Variants in DNAH11 observed in about 807,000 individuals in gnomAD.
DNAH11 encodes axonemal beta dynein heavy chain 11.
Under a neutral mutation model 526.0 loss-of-function variants are expected in DNAH11, and 442 were observed. That is an observed-to-expected ratio of 0.84 (90% CI 0.78 to 0.91). The LOEUF is 0.91. Among genes scored for constraint, DNAH11 ranks in the 40% least tolerant of loss-of-function variants. DNAH11 has a pLI of 0.00. For missense variants in DNAH11, 6,989 were observed against 5,448.7 expected (o/e 1.28, Z -8.90); for synonymous variants, 2,461 against 1,935.9 (o/e 1.27, Z -7.12).
chr7:21,617,474 T>A, intron 22 of DNAH11, 145 bp from the exon 23 acceptor site: 5 of 911,790 alleles, frequency 5.5e-6, no homozygotes, highest in Non-Finnish European at 8.1e-6. Flanking sequence ...TTCGTTTCTC[T>A]GGTTTTGCTC....
chr7:21,621,862 A>G (rs1430501316), intron 25 of DNAH11, among the ~76,000 whole-genome samples: 1 of 152,274 alleles, frequency 6.6e-6, no homozygotes, highest in Non-Finnish European at 1.5e-5. Context: ...AGCCAATATC[A>G]TACTGAATGG....
In DNAH11 at chr7:21,639,084, GTC is replaced by G; in HGVS notation, c.4944+22_4944+23del. ...TAAACAGGTAATATTTTTTTTGAAA[GTC>G]TCGTATTATACTGTGTTAGCTGAGG... On this transcript the variant is annotated intron_variant, in intron 28 of 81. Coordinates refer to ENST00000409508, the MANE Select transcript of DNAH11 (RefSeq NM_001277115.2). 6.2e-7 allele frequency: 1 copy of G among 1,604,984 alleles called. No individual in the cohort carries two copies. Among genetic ancestry groups the G allele is most frequent in the Non-Finnish European group, 8.5e-7 (1 of 1,176,874 alleles).
chr7:21,772,192 A>G (rs1306770007), intron 55 of DNAH11, among the ~76,000 whole-genome samples: 1 of 152,166 alleles, frequency 6.6e-6, no homozygotes, highest in Non-Finnish European at 1.5e-5. Context: ...CATTGAGACA[A>G]GTTGTCTCAG....
At chr7:21,693,021 T>G (rs1318255465) in intron 35 of DNAH11, among the ~76,000 whole-genome samples, 2 of 152,352 alleles carry the variant, frequency 1.3e-5, no homozygotes, top group South Asian at 4.1e-4. Context: ...ATACATACAT[T>G]GCAAATATTT....
At chr7:21,663,288 G>C (rs1313749571) in intron 30 of DNAH11, among the ~76,000 whole-genome samples, 1 of 152,014 alleles carries the variant, frequency 6.6e-6, no homozygotes, top group Non-Finnish European at 1.5e-5. Context: ...ATAAACATAG[G>C]GGTAGAGATA....
At chr7:21,650,706 C>G (rs956667337) in intron 28 of DNAH11, among the ~76,000 whole-genome samples, 7 of 151,792 alleles carry the variant, frequency 4.6e-5, no homozygotes, top group African/African-American at 1.7e-4. Context: ...GTGGTGCAAT[C>G]TCAGCTCACT....
Position 21,687,148 on chromosome 7 carries a change from CCTG to C in DNAH11, c.5675_5677del (p.Ala1892del). 2 of 1,613,410 alleles carry C rather than the reference CCTG, an allele frequency of 1.2e-6. No homozygotes were observed. The highest frequency in any genetic ancestry group is 1.7e-6 in the Non-Finnish European group (2 of 1,179,664). On this transcript the variant is annotated inframe_deletion, in exon 33 of 82. Transcript: ENST00000409508. Reference sequence around the variant, plus strand: ...ACTTCATCTAACCATGAGTGGGGCTCCTGCTGGCCCAGCTGGTACCGGGAAAAC... The same window carrying C: ...ACTTCATCTAACCATGAGTGGGGCTCCTGGCCCAGCTGGTACCGGGAAAAC...
chr7:21,901,415 G>C lies in DNAH11; in HGVS notation c.*161G>C. On this transcript the variant is annotated 3_prime_UTR_variant, in exon 82 of 82. Transcript: ENST00000409508. ...GAGTGAAAGTCAGAAAAAAATACTA[G>C]AAACTAACTCAGGGCTGAGCGTGGT... The C allele has an allele frequency of 5.7e-6, 6 of 1,053,314 alleles. No individual in the cohort carries two copies. In the Admixed American group the frequency reaches 1.0e-4, roughly 18 times the overall value. The allele number at this position is 1,053,314 out of a possible 1,614,324, so 65.2% of individuals were successfully genotyped here.
intron 29 of DNAH11, 136 bp downstream of exon 29, chr7:21,656,117 TTATCTG>T (rs1782006139): frequency 1.0e-6 from 1 of 995,038 alleles, no homozygotes; most frequent in Admixed American, 3.3e-5. Context: ...AGGTTCCTTT[TTATCTG>T]TATCCACTGT....
intron 25 of DNAH11, among the ~76,000 whole-genome samples, chr7:21,626,121 A>G (rs116688321): frequency 0.011 from 1,745 of 152,164 alleles, 39 homozygotes; most frequent in African/African-American, 0.04. Flanking sequence ...GATTATTGTA[A>G]ACTGTAGCCA....
intron 33 of DNAH11, 46 bp from the exon 34 acceptor site, chr7:21,687,336 A>T (rs1379412014): frequency 6.3e-7 from 1 of 1,580,182 alleles, no homozygotes; most frequent in Non-Finnish European, 8.6e-7. Flanking sequence ...ATAATAGCGT[A>T]AAAACCCCTT....
At chr7:21,633,516 T>A (rs187158121) in intron 25 of DNAH11, among the ~76,000 whole-genome samples, 9 of 152,364 alleles carry the variant, frequency 5.9e-5, no homozygotes, top group Admixed American at 3.3e-4. Context: ...ACATTTTAAA[T>A]CACATTTTTT....
intron 9 of DNAH11, among the ~76,000 whole-genome samples, chr7:21,587,616 C>G (rs62441682): frequency 1.3e-5 from 2 of 151,924 alleles, no homozygotes; most frequent in Admixed American, 1.3e-4. Context: ...GTCATGGTGA[C>G]TGGCACATCT....
intron 62 of DNAH11, among the ~76,000 whole-genome samples, chr7:21,807,227 G>A (rs780005014): frequency 3.2e-4 from 48 of 152,280 alleles, no homozygotes; most frequent in Middle Eastern, 6.8e-3. Context: ...GGCCAGGTGC[G>A]GTGGCTCACG....
At chr7:21,733,441 C>T (rs1325316505) in intron 45 of DNAH11, among the ~76,000 whole-genome samples, 2 of 152,146 alleles carry the variant, frequency 1.3e-5, no homozygotes, top group Non-Finnish European at 2.9e-5. Context: ...GTGCCTGCTC[C>T]CTCCACTTTA....
chr7:21,633,397 A>G (rs1206483166), intron 25 of DNAH11, among the ~76,000 whole-genome samples: 1 of 152,188 alleles, frequency 6.6e-6, no homozygotes, highest in African/African-American at 2.4e-5. Context: ...CCATTGTTGA[A>G]AGTGGAATAT....
At position 21,880,913 on chromosome 7, in the gene DNAH11, T is replaced by C; in HGVS notation, c.12387+20T>C. The C allele has an allele frequency of 6.3e-7, 1 of 1,577,952 alleles. No individual in the cohort carries two copies. The highest frequency in any genetic ancestry group is 1.8e-4 in the Middle Eastern group (1 of 5,654). ...TCTAAAGTAAGTGCTAGTGGTCAAA[T>C]AACCTCTTCCAAGGAGTTTACAAAG... is the stretch of plus-strand genomic sequence containing the variant. On this transcript the variant is annotated intron_variant, in intron 75 of 81. Coordinates refer to ENST00000409508, the MANE Select transcript of DNAH11 (RefSeq NM_001277115.2).
At chr7:21,578,417 G>T (rs1477983443) in intron 8 of DNAH11, among the ~76,000 whole-genome samples, 2 of 152,316 alleles carry the variant, frequency 1.3e-5, no homozygotes, top group Non-Finnish European at 1.5e-5. Flanking sequence ...ATAAGAGGTG[G>T]GCTTCCAAGG....
intron 66 of DNAH11, among the ~76,000 whole-genome samples, chr7:21,844,457 TG>T (rs1330091941): frequency 6.6e-6 from 1 of 152,010 alleles, no homozygotes; most frequent in Non-Finnish European, 1.5e-5. Context: ...AAAACGGACT[TG>T]TTCATATATT....
Sources: gnomAD v4.1 joint callset for allele counts (sites outside exome capture counted in the v4.1 genomes callset) on GRCh38, gnomAD v4.1.1 for gene constraint, MANE v1.5 for transcripts, NCBI Gene and HGNC (gene_info 2026-07-23, HGNC 2026-07-21) for gene names.